Variants in GRAMD4 observed in about 807,000 individuals in gnomAD.
The protein encoded by GRAMD4 is GRAM domain-containing protein 4.
A neutral mutation model predicts 83.9 loss-of-function variants in GRAMD4; 25 were observed. The ratio of observed to expected loss-of-function variants is 0.30; its 90% confidence interval spans 0.22 to 0.42. GRAMD4 has a LOEUF of 0.42. Among genes scored for constraint, GRAMD4 ranks in the 10% least tolerant of loss-of-function variants. The pLI is 1.00. For synonymous variants in GRAMD4, 336 were observed against 320.9 expected, an observed-to-expected ratio of 1.05 and a Z score of -0.50; for missense variants, 593 against 788.7, an observed-to-expected ratio of 0.75 and a Z score of 2.97.
rs185047227 is a variant in GRAMD4, at chr22:46,620,936, C to T, written c.-50+371C>T. ...GAGGCCCATCCGAGAGGGAGGAGGC[C>T]GATCTGAGAGGGCCGCATGGCTCGG... On this transcript the variant is annotated intron_variant, in intron 1 of 18. Coordinates refer to ENST00000406902, the MANE Select transcript of GRAMD4 (RefSeq NM_015124.5). This position sits in a 1 kb window ranked among gnomAD's most constrained non-coding sequence, Gnocchi z 4.7. Among the ~76,000 whole-genome samples, 13 of 152,168 alleles carry T rather than the reference C, an allele frequency of 8.5e-5. No individual in the cohort carries two copies. Among genetic ancestry groups the T allele is most frequent in the East Asian group, 1.9e-4 (1 of 5,166 alleles).
At chr22:46,643,177 A>C (rs1297087569) in intron 3 of GRAMD4, among the ~76,000 whole-genome samples, 6 of 119,976 alleles carry the variant, frequency 5.0e-5, no homozygotes, top group East Asian at 2.3e-4. Flanking sequence ...CCATCCATCC[A>C]TCCATCCATC....
At chr22:46,612,546 T>C (rs1342239467) in intron 1 of GRAMD4, among the ~76,000 whole-genome samples, 1 of 152,210 alleles carries the variant, frequency 6.6e-6, no homozygotes, top group African/African-American at 2.4e-5. Flanking sequence ...CACCTGAGGC[T>C]TCCTCTCAAG....
intron 1 of GRAMD4, among the ~76,000 whole-genome samples, chr22:46,590,018 C>T (rs564896409): frequency 6.6e-6 from 1 of 152,364 alleles, no homozygotes; most frequent in South Asian, 2.1e-4. Flanking sequence ...GTAACTCCCA[C>T]GGCAGTCTTG....
rs775629640 is a variant in GRAMD4 at position 46,679,450 on chromosome 22, G to A, written c.*2199G>A. 168 of 985,462 alleles carry A rather than the reference G, an allele frequency of 1.7e-4. No individual in the cohort carries two copies. The highest frequency in any genetic ancestry group is 2.0e-4 in the Non-Finnish European group (162 of 829,952). 61.0% of individuals were successfully genotyped at this position (985,462 alleles called of 1,614,324 possible). On this transcript the variant is annotated 3_prime_UTR_variant, in exon 19 of 19. Transcript: ENST00000406902. ...GGCCCCTCCCTGGAAGTCCTCGGGA[G>A]CGGAGCGCGGATCGGCACGGGCTCT...
chr22:46,645,992 G>A (rs1158163849), intron 3 of GRAMD4, among the ~76,000 whole-genome samples: 1 of 152,172 alleles, frequency 6.6e-6, no homozygotes, highest in African/African-American at 2.4e-5. Flanking sequence ...TTTGGATTTT[G>A]GGGGAAAGTG....
At chr22:46,576,649 G>A (rs2081044428), upstream of GRAMD4, among the ~76,000 whole-genome samples, 2 of 152,286 alleles carry the variant, frequency 1.3e-5, no homozygotes, top group Admixed American at 1.3e-4. Context: ...GCGTGGGGCC[G>A]CGTCCGGCGC....
chr22:46,677,248 C>G lies in GRAMD4; in HGVS notation c.1734C>G (p.Ser578Arg). The G allele has an allele frequency of 1.2e-6, 2 of 1,605,934 alleles. No individual in the cohort carries two copies. The highest frequency in any genetic ancestry group is 1.7e-6 in the Non-Finnish European group (2 of 1,177,746). The change falls in exon 19 of 19, where the codon AGC (serine) becomes AGG (arginine). Residue 578 changes from serine (S) to arginine (R), a missense_variant. Ser to Arg is a moderately radical substitution (Grantham distance 110, BLOSUM62 -1). Coordinates refer to ENST00000406902, the MANE Select transcript of GRAMD4 (RefSeq NM_015124.5). ...ITSAAASGGD[S>R] ...CAGCGGCAGCGTCTGGCGGGGACAG[C>G]TAGTATTGACTTGCCCAGGACGTTG...
At chr22:46,665,532 G>T in intron 8 of GRAMD4, 83 bp from the exon 9 acceptor site, 2 of 746,394 alleles carry the variant, frequency 2.7e-6, no homozygotes, top group Non-Finnish European at 4.7e-6. Context: ...CACTGGGGCC[G>T]CCTGGTGGGG....
chr22:46,665,838 G>A, intron 9 of GRAMD4, 132 bp downstream of exon 9: 3 of 615,444 alleles, frequency 4.9e-6, no homozygotes, highest in South Asian at 1.9e-5. Context: ...CCCCTGACAG[G>A]CTCCAGAGAC....
chr22:46,619,880 A>G (rs927808512), upstream of GRAMD4, among the ~76,000 whole-genome samples: 6 of 152,174 alleles, frequency 3.9e-5, no homozygotes, highest in Non-Finnish European at 8.8e-5. Context: ...AACATCTGCG[A>G]GTCCCCCAGG....
chr22:46,591,942 T>TG (rs35657367), intron 1 of GRAMD4, among the ~76,000 whole-genome samples: 71,775 of 144,758 alleles, frequency 0.5, 19,517 homozygotes, highest in African/African-American at 0.75. Flanking sequence ...GTGATATCAG[T>TG]GGACATTGGG....
At chr22:46,669,579 C>CT (rs748596128) in intron 13 of GRAMD4, among the ~76,000 whole-genome samples, 151 of 141,924 alleles carry the variant, frequency 1.1e-3, no homozygotes, top group Non-Finnish European at 1.2e-3. Context: ...CTCTCTCTCT[C>CT]TTTTTTTTTT....
intron 3 of GRAMD4, among the ~76,000 whole-genome samples, chr22:46,644,290 C>G (rs1170996604): frequency 6.6e-6 from 1 of 152,128 alleles, no homozygotes; most frequent in African/African-American, 2.4e-5. Flanking sequence ...CATGTTACAC[C>G]TGTCCCTGTT....
At chr22:46,637,145 C>T (rs112079680) in intron 2 of GRAMD4, among the ~76,000 whole-genome samples, 2,744 of 152,278 alleles carry the variant, frequency 0.018, 70 homozygotes, top group African/African-American at 0.061. Flanking sequence ...GGCTCTGGCA[C>T]GGCCAGCCGG....
At chr22:46,604,082 C>T (rs1276596663) in intron 1 of GRAMD4, among the ~76,000 whole-genome samples, 1 of 152,172 alleles carries the variant, frequency 6.6e-6, no homozygotes, top group Non-Finnish European at 1.5e-5. Context: ...CCTCTGATCA[C>T]AATTGGGTCT....
At chr22:46,663,550 G>A (rs578241150) in intron 6 of GRAMD4, among the ~76,000 whole-genome samples, 4 of 152,204 alleles carry the variant, frequency 2.6e-5, no homozygotes, top group Non-Finnish European at 5.9e-5. Context: ...GTCAGCAAAG[G>A]CCCTGCCCTT....
At chr22:46,599,833 C>T (rs569076594) in intron 1 of GRAMD4, among the ~76,000 whole-genome samples, 15 of 152,262 alleles carry the variant, frequency 9.9e-5, no homozygotes, top group Admixed American at 2.0e-4. Context: ...GGAGCAAAGG[C>T]GTGTTGTGAG....
intron 1 of GRAMD4, among the ~76,000 whole-genome samples, chr22:46,608,345 G>A (rs977182849): frequency 6.6e-6 from 1 of 152,234 alleles, no homozygotes; most frequent in Non-Finnish European, 1.5e-5. Context: ...TGGGCAACAG[G>A]TGTGAAGTGG....
chr22:46,581,794 C>T (rs1467518406), intron 1 of GRAMD4, among the ~76,000 whole-genome samples: 3 of 152,230 alleles, frequency 2.0e-5, no homozygotes, highest in Admixed American at 2.0e-4. Flanking sequence ...CTAACCTAAG[C>T]CCCATATGCA....
Sources: allele counts gnomAD v4.1 joint callset (sites outside exome capture counted in the v4.1 genomes callset), GRCh38; gene constraint gnomAD v4.1.1; non-coding constraint Gnocchi (gnomAD v3.1); transcripts MANE v1.5; gene names NCBI Gene and HGNC (gene_info 2026-07-23, HGNC 2026-07-21).